Variants in CCDC63 observed in about 807,000 individuals in gnomAD.
CCDC63 encodes the protein coiled-coil domain containing 63.
A neutral mutation model predicts 63.6 loss-of-function variants in CCDC63; 54 were observed. That is an observed-to-expected ratio of 0.85 (90% CI 0.68 to 1.07). The LOEUF (loss-of-function observed/expected upper bound fraction) is 1.07, where lower values mean the gene tolerates loss of function less well. Ranked by LOEUF, CCDC63 falls within the 50% of genes least tolerant of loss-of-function variation. The pLI is 0.00. For missense variants in CCDC63, 637 were observed against 689.6 expected (o/e 0.92, Z 0.86); for synonymous variants, 253 against 266.1 (o/e 0.95, Z 0.48).
Position 110,881,220 on chromosome 12 carries a change from G to A in CCDC63, c.777G>A (p.Glu259=). 6.2e-7 allele frequency: 1 copy of A among 1,613,944 alleles called. No homozygotes were observed. Among genetic ancestry groups the A allele is most frequent in the South Asian group, 1.1e-5 (1 of 91,048 alleles). The change falls in exon 7 of 12, where the codon GAG becomes GAA. Residue 259 remains glutamate (E), a synonymous_variant. Coordinates refer to ENST00000308208, the MANE Select transcript of CCDC63 (RefSeq NM_152591.3). The part of the protein sequence containing the change: ...IRELERLYAH[E]SKLKSFLLVK... ...AGCTGGAGCGTCTCTATGCCCATGA[G>A]AGCAAGCTCAAGTCCTTCCTGCTCG...
chr12:110,865,288 T>C lies in CCDC63; in HGVS notation c.369+6513T>C, dbSNP rs373525778. ...GGCACTTCTTGCTGCCTAAAATCCA[T>C]CTTTCATCAGAGCGCTGTGGCTCCA... On this transcript the variant is annotated intron_variant, in intron 4 of 11. Transcript: ENST00000308208. Among the ~76,000 whole-genome samples the C allele has an allele frequency of 2.0e-5, 3 of 152,242 alleles. No individual in the cohort carries two copies. The East Asian group carries it at 5.8e-4, about 29-fold the overall frequency.
At chr12:110,898,880 C>T in intron 9 of CCDC63, 53 bp from the exon 10 acceptor site, 1 of 1,455,612 alleles carries the variant, frequency 6.9e-7, no homozygotes, top group Non-Finnish European at 9.2e-7. Context: ...GTCCCAAACA[C>T]CCTGCCCACT....
At chr12:110,902,879 G>A (rs548603945) in intron 10 of CCDC63, among the ~76,000 whole-genome samples, 154 of 140,896 alleles carry the variant, frequency 1.1e-3, no homozygotes, top group African/African-American at 3.7e-3. Flanking sequence ...CACCACGCCC[G>A]GCTAATTTTT....
intron 4 of CCDC63, among the ~76,000 whole-genome samples, chr12:110,869,900 T>C (rs1406637946): frequency 6.6e-6 from 1 of 152,230 alleles, no homozygotes; most frequent in Non-Finnish European, 1.5e-5. Context: ...TTATCAATTA[T>C]TTTTAATAAG....
intron 5 of CCDC63, among the ~76,000 whole-genome samples, chr12:110,879,306 T>C (rs1451203843): frequency 6.6e-6 from 1 of 152,238 alleles, no homozygotes; most frequent in East Asian, 1.9e-4. Context: ...AGGGTGATTT[T>C]GCCTCCAAAG....
intron 5 of CCDC63, among the ~76,000 whole-genome samples, chr12:110,876,213 G>T (rs1199686039): frequency 6.6e-6 from 1 of 151,740 alleles, no homozygotes; most frequent in Non-Finnish European, 1.5e-5. Context: ...GGGCCTGAGA[G>T]TCCTCCCCAT....
At chr12:110,904,818 CAGGTTGCT>C in intron 11 of CCDC63, 27 bp downstream of exon 11, 2 of 1,566,838 alleles carry the variant, frequency 1.3e-6, no homozygotes, top group Middle Eastern at 1.7e-4. Context: ...TCAATCTGCA[CAGGTTGCT>C]AGGGAACCTG....
intron 3 of CCDC63, 99 bp from the exon 4 acceptor site, chr12:110,858,487 T>G: frequency 9.3e-7 from 1 of 1,072,562 alleles, no homozygotes; most frequent in South Asian, 1.7e-5. Context: ...GGTGGGAAAT[T>G]CCTCTCTCCC....
intron 11 of CCDC63, 57 bp downstream of exon 11, chr12:110,904,848 C>A (rs2071538770): frequency 1.4e-6 from 2 of 1,399,044 alleles, no homozygotes; most frequent in African/African-American, 1.4e-5. Context: ...GCCTTCAGGT[C>A]TGGGGAGACC....
intron 5 of CCDC63, among the ~76,000 whole-genome samples, chr12:110,874,543 G>C (rs902424556): frequency 2.3e-4 from 35 of 152,342 alleles, no homozygotes; most frequent in Middle Eastern, 3.4e-3. Flanking sequence ...GGCATAGCTG[G>C]ATCCAGGTGC....
intron 11 of CCDC63, among the ~76,000 whole-genome samples, chr12:110,905,793 A>T (rs1446753151): frequency 7.2e-6 from 1 of 139,428 alleles, no homozygotes; most frequent in Admixed American, 8.3e-5. Context: ...CTACATATGC[A>T]TGCAATACAC....
At position 110,904,708 on chromosome 12, in the gene CCDC63, C is replaced by G; in HGVS notation, c.1463C>G (p.Ser488Cys). ...TTCATCAACCCTTTCTGGGGTGGCT[C>G]TGCCCTCCTCAAGCCCCCAGAACCC... ...PPFINPFWGG[S>C]ALLKPPEPIK... The change falls in exon 11 of 12, where the codon TCT (serine) becomes TGT (cysteine). Residue 488 changes from serine (S) to cysteine (C), a missense_variant. Coordinates refer to ENST00000308208, the MANE Select transcript of CCDC63 (RefSeq NM_152591.3). 2 of 1,614,092 alleles carry G rather than the reference C, an allele frequency of 1.2e-6. No homozygotes were observed. The highest frequency in any genetic ancestry group is 1.6e-4 in the Middle Eastern group (1 of 6,062).
chr12:110,881,351 C>T, intron 7 of CCDC63, 55 bp downstream of exon 7: 1 of 1,520,148 alleles, frequency 6.6e-7, no homozygotes, highest in Non-Finnish European at 8.9e-7. Context: ...TGCCTTCTTT[C>T]TCTCTTTCTC....
At chr12:110,867,036 G>A (rs1229950332) in intron 4 of CCDC63, among the ~76,000 whole-genome samples, 20 of 139,244 alleles carry the variant, frequency 1.4e-4, no homozygotes, top group African/African-American at 5.1e-4. Flanking sequence ...GCGGCTGGCC[G>A]GGCAGAGGGG....
At chr12:110,868,730 GGAGGGA>G (rs1253521194) in intron 4 of CCDC63, among the ~76,000 whole-genome samples, 66 of 114,766 alleles carry the variant, frequency 5.8e-4, no homozygotes, top group African/African-American at 1.4e-3. Flanking sequence ...AGAGGGAGAG[GGAGGGA>G]GAGGGAGAGG....
At chr12:110,886,395 CA>C (rs1286293767) in intron 8 of CCDC63, among the ~76,000 whole-genome samples, 7 of 148,762 alleles carry the variant, frequency 4.7e-5, no homozygotes, top group East Asian at 2.0e-4. Context: ...CAAAAAAAAC[CA>C]AAAAAAAACC....
intron 4 of CCDC63, among the ~76,000 whole-genome samples, chr12:110,866,307 C>CTTTTT (rs778074972): frequency 2.1e-5 from 2 of 94,488 alleles, no homozygotes; most frequent in Non-Finnish European, 2.1e-5. Context: ...GCTTAAGCCA[C>CTTTTT]TCTTTTTTTT....
chr12:110,882,850 TTTTA>T (rs200058576), intron 7 of CCDC63, among the ~76,000 whole-genome samples: 8 of 151,642 alleles, frequency 5.3e-5, no homozygotes, highest in Admixed American at 4.6e-4. Flanking sequence ...TAAACGATCC[TTTTA>T]TTTATTTATT....
intron 4 of CCDC63, 71 bp downstream of exon 4, chr12:110,858,846 A>G: frequency 7.2e-7 from 1 of 1,381,276 alleles, no homozygotes. Context: ...CATATTCGTG[A>G]TGCCTTAGGC....
Sources: gnomAD v4.1 joint callset for allele counts (sites outside exome capture counted in the v4.1 genomes callset) on GRCh38, gnomAD v4.1.1 for gene constraint, MANE v1.5 for transcripts, NCBI Gene and HGNC (gene_info 2026-07-23, HGNC 2026-07-21) for gene names.